Variants in NUB1 observed in about 807,000 individuals in gnomAD.
NUB1 encodes negative regulator of ubiquitin like proteins 1, also known as NEDD8 ultimate buster 1.
Under a neutral mutation model 77.1 loss-of-function variants are expected in NUB1, and 41 were observed. The observed-to-expected ratio is 0.53, with a 90% CI of 0.41 to 0.69. The LOEUF (loss-of-function observed/expected upper bound fraction) is 0.69, where lower values mean the gene tolerates loss of function less well. Ranked by LOEUF, NUB1 falls within the 30% of genes least tolerant of loss-of-function variation. NUB1 has a pLI of 0.00. For missense variants in NUB1, 643 were observed against 743.8 expected (o/e 0.86, Z 1.58); for synonymous variants, 257 against 281.0 (o/e 0.91, Z 0.85).
intron 8 of NUB1, among the ~76,000 whole-genome samples, chr7:151,363,474 A>T (rs1290865181): frequency 6.6e-6 from 1 of 151,624 alleles, no homozygotes; most frequent in Non-Finnish European, 1.5e-5. Context: ...AAAAATGAAC[A>T]GAGCATCTGC....
intron 3 of NUB1, 58 bp downstream of exon 3, chr7:151,349,298 A>G (rs1796676776): frequency 7.3e-7 from 1 of 1,375,846 alleles, no homozygotes; most frequent in Non-Finnish European, 1.0e-6. Flanking sequence ...ATGAGGTCAA[A>G]TAAATTGTTG....
intron 7 of NUB1, among the ~76,000 whole-genome samples, chr7:151,358,462 C>T (rs1563018446): frequency 6.6e-6 from 1 of 152,220 alleles, no homozygotes; most frequent in East Asian, 1.9e-4. Context: ...AGCGTCACCG[C>T]CTGAGCTCCA....
chr7:151,352,630 A>C lies in NUB1; in HGVS notation c.345-182A>C, dbSNP rs112723445. On this transcript the variant is annotated intron_variant, in intron 4 of 14. Coordinates refer to ENST00000568733, the MANE Select transcript of NUB1 (RefSeq NM_001243351.2). ...GCTAATTTTTAAAAATTTTTTGTAGAGATAGGATCTCTCTGTTGCCCAGGC... is the reference window on the plus strand; with the variant it reads ...GCTAATTTTTAAAAATTTTTTGTAGCGATAGGATCTCTCTGTTGCCCAGGC... Among the ~76,000 whole-genome samples the C allele has an allele frequency of 0.033, 4,954 of 152,190 alleles. 292 individuals carry two copies. The highest frequency in any genetic ancestry group is 0.11 in the African/African-American group (4,720 of 41,496).
At chr7:151,360,115 T>C (rs199807747) in intron 7 of NUB1, 26 bp from the exon 8 acceptor site, 479 of 1,157,688 alleles carry the variant, frequency 4.1e-4, no homozygotes, top group Non-Finnish European at 5.7e-4. Flanking sequence ...TAAAGTGATG[T>C]TTTTTAAATT....
At chr7:151,351,218 C>T in intron 3 of NUB1, 1 of 546,998 alleles carries the variant, frequency 1.8e-6, no homozygotes, top group Non-Finnish European at 3.2e-6. Context: ...CTGGTGGTGC[C>T]ACGCTGCCGC....
At chr7:151,362,556 A>C (rs902857011) in intron 8 of NUB1, among the ~76,000 whole-genome samples, 1 of 152,234 alleles carries the variant, frequency 6.6e-6, no homozygotes, top group Non-Finnish European at 1.5e-5. Context: ...CTGGCAGTGC[A>C]GAACGGTGAC....
intron 2 of NUB1, among the ~76,000 whole-genome samples, chr7:151,346,619 A>G (rs989401158): frequency 2.0e-5 from 3 of 152,212 alleles, no homozygotes; most frequent in African/African-American, 7.2e-5. Flanking sequence ...CCTAAGTGAC[A>G]GATTTTGGAC....
intron 1 of NUB1, among the ~76,000 whole-genome samples, chr7:151,342,966 G>T (rs1019475149): frequency 2.0e-5 from 3 of 152,106 alleles, no homozygotes; most frequent in Admixed American, 6.5e-5. Flanking sequence ...GAGCCACCGC[G>T]CCCGGCCTTG....
chr7:151,360,142 C>T lies in NUB1; in HGVS notation c.695C>T (p.Ala232Val). 2 of 1,512,592 alleles carry T rather than the reference C, an allele frequency of 1.3e-6. No individual in the cohort carries two copies. Among genetic ancestry groups the T allele is most frequent in the Non-Finnish European group, 1.8e-6 (2 of 1,092,578 alleles). 93.7% of individuals were successfully genotyped at this position (1,512,592 alleles called of 1,614,324 possible). Residue 232 changes from alanine (A) to valine (V), a missense_variant and splice_region_variant, in exon 8 of 15, where the codon GCC (alanine) becomes GTC (valine). Transcript: ENST00000568733. Reference protein sequence around the residue: ...SIRIPPSERKALMLAMGYHEK... With the variant: ...SIRIPPSERKVLMLAMGYHEK... Reference sequence around the variant, plus strand: ...TTTTAAATTTGTATTTTTTCCTAGGCCCTTATGTTAGCTATGGGATATCAT... The same window carrying T: ...TTTTAAATTTGTATTTTTTCCTAGGTCCTTATGTTAGCTATGGGATATCAT...
In NUB1 at chr7:151,344,683, G is replaced by A. The variant is rs537505945; in HGVS notation, c.-2-665G>A. 7.1e-4 allele frequency among the ~76,000 whole-genome samples: 108 copies of A among 151,540 alleles called. 2 individuals carry two copies. The South Asian group carries it at 0.021, about 30-fold the overall frequency. ...TTCTTTATATTTAACTACCAGGATGGTTGGCCTTTTGTTTTATGTTAAACT... is the reference window on the plus strand; with the variant it reads ...TTCTTTATATTTAACTACCAGGATGATTGGCCTTTTGTTTTATGTTAAACT... On this transcript the variant is annotated intron_variant, in intron 1 of 14. Coordinates refer to ENST00000568733, the MANE Select transcript of NUB1 (RefSeq NM_001243351.2).
chr7:151,376,463 C>T (rs1202942742), intron 13 of NUB1, 171 bp from the exon 14 acceptor site: 6 of 635,962 alleles, frequency 9.4e-6, no homozygotes, highest in African/African-American at 3.7e-5. Context: ...AAGCCCCCTT[C>T]CAGGTTGCTC....
At chr7:151,367,378 C>A in intron 9 of NUB1, among the ~76,000 whole-genome samples, 1 of 152,108 alleles carries the variant, frequency 6.6e-6, no homozygotes, top group African/African-American at 2.4e-5. Flanking sequence ...CAGTGATCAC[C>A]CTGACCAGGA....
Position 151,367,938 on chromosome 7 carries a change from T to A in NUB1, c.1065T>A (p.Asn355Lys). Residue 355 changes from asparagine to lysine, a missense_variant, in exon 10 of 15, where the codon AAT becomes AAA. Asn to Lys is a moderately conservative substitution (Grantham distance 94). Coordinates refer to ENST00000568733, the MANE Select transcript of NUB1 (RefSeq NM_001243351.2). ...LQGIRNYHSG[N>K]DVEAYEYLNK... ...GGATCCGAAACTATCACAGTGGAAA[T>A]GATGTAGAGGCTTATGAGTATCTTA... The A allele has an allele frequency of 6.3e-7, 1 of 1,592,192 alleles. No individual in the cohort carries two copies. Among genetic ancestry groups the A allele is most frequent in the Non-Finnish European group, 8.6e-7 (1 of 1,167,530 alleles).
At chr7:151,367,783 G>GGAAT in intron 9 of NUB1, 78 bp from the exon 10 acceptor site, 1 of 908,412 alleles carries the variant, frequency 1.1e-6, no homozygotes, top group Non-Finnish European at 1.7e-6. Context: ...GGAGACCAAG[G>GGAAT]GAATGACAGA....
At chr7:151,367,183 A>T in intron 9 of NUB1, 58 bp downstream of exon 9, 1 of 1,421,026 alleles carries the variant, frequency 7.0e-7, no homozygotes, top group Non-Finnish European at 9.8e-7. Context: ...ATTTGTGTTT[A>T]TTCCTGTTAA....
At chr7:151,344,435 C>T (rs530645295) in intron 1 of NUB1, among the ~76,000 whole-genome samples, 2 of 150,626 alleles carry the variant, frequency 1.3e-5, no homozygotes, top group South Asian at 2.1e-4. Flanking sequence ...CTCAGTCTCC[C>T]GAGTAGCTGG....
chr7:151,368,919 G>C, intron 11 of NUB1, 32 bp downstream of exon 11: 3 of 1,561,294 alleles, frequency 1.9e-6, no homozygotes, highest in Non-Finnish European at 2.6e-6. Flanking sequence ...AGCTCTCTTG[G>C]GTATGAAAGA....
rs1049915385 is a variant in NUB1 at position 151,367,066 on chromosome 7, G to T, written c.928G>T (p.Ala310Ser). The change falls in exon 9 of 15, where the codon GCC becomes TCC. Residue 310 changes from alanine to serine, a missense_variant. By Grantham distance (99) the Ala-to-Ser change is moderately conservative. Coordinates refer to ENST00000568733, the MANE Select transcript of NUB1 (RefSeq NM_001243351.2). ...LDDAEKKLNL[A>S]QKCFKNCYGE... Reference sequence around the variant, plus strand: ...TGATGCAGAAAAAAAATTAAACTTGGCCCAGAAATGCTTTAAAAATTGTTA... The same window carrying T: ...TGATGCAGAAAAAAAATTAAACTTGTCCCAGAAATGCTTTAAAAATTGTTA... 6.2e-7 allele frequency: 1 copy of T among 1,613,732 alleles called. No individual in the cohort carries two copies. The highest frequency in any genetic ancestry group is 8.5e-7 in the Non-Finnish European group (1 of 1,179,826).
At chr7:151,368,616 C>T in intron 10 of NUB1, 119 bp from the exon 11 acceptor site, 1 of 1,206,300 alleles carries the variant, frequency 8.3e-7, no homozygotes, top group Non-Finnish European at 1.1e-6. Context: ...AGATTTTATC[C>T]AAAATCTGAT....
Sources: allele counts gnomAD v4.1 joint callset (sites outside exome capture counted in the v4.1 genomes callset), GRCh38; gene constraint gnomAD v4.1.1; transcripts MANE v1.5; gene names NCBI Gene and HGNC (gene_info 2026-07-23, HGNC 2026-07-21).